CDK12: variants seen among roughly 807,000 people sequenced by gnomAD.
The protein encoded by CDK12 is cyclin dependent kinase 12.
CDK12 carries 17 observed loss-of-function variants against 133.8 expected under a neutral mutation model. The observed-to-expected ratio is 0.13, with a 90% CI of 0.09 to 0.19. The LOEUF is 0.19. CDK12 is among the 10% of genes least tolerant of loss of function. The probability of loss-of-function intolerance (pLI) is 1.00; values close to 1 mark genes in which losing one functional copy is unlikely to be tolerated. For missense variants in CDK12, 1,508 were observed against 1,818.7 expected, an observed-to-expected ratio of 0.83 and a Z score of 3.11; for synonymous variants, 694 against 683.6, an observed-to-expected ratio of 1.02 and a Z score of -0.24.
intron 1 of CDK12, among the ~76,000 whole-genome samples, chr17:39,542,601 C>T (rs980816656): frequency 1.2e-4 from 18 of 151,922 alleles, no homozygotes; most frequent in African/African-American, 4.4e-4. Flanking sequence ...CCTCTGGCCT[C>T]CCGGGTTTGA....
intron 2 of CDK12, among the ~76,000 whole-genome samples, chr17:39,477,772 G>A (rs1275038336): frequency 4.7e-5 from 7 of 150,062 alleles, no homozygotes; most frequent in South Asian, 2.1e-4. Context: ...ATGGGGTTTC[G>A]CCGTGTTAGC....
At chr17:39,470,832 A>G (rs749257918) in intron 1 of CDK12, 47 bp from the exon 2 acceptor site, 118 of 1,447,726 alleles carry the variant, frequency 8.2e-5, no homozygotes, top group Non-Finnish European at 1.1e-4. Flanking sequence ...TTTCCTCCAT[A>G]TACTACTGTA....
intron 9 of CDK12, 142 bp from the exon 10 acceptor site, chr17:39,517,298 A>G: frequency 1.6e-6 from 1 of 634,710 alleles, no homozygotes. Context: ...GTAATGTCAT[A>G]TTTTCCTTTC....
chr17:39,548,104 G>A (rs911450695), upstream of CDK12, among the ~76,000 whole-genome samples: 8 of 152,150 alleles, frequency 5.3e-5, no homozygotes, highest in Non-Finnish European at 1.2e-4. Context: ...ACACGAGGGC[G>A]CTGCTGGCCA....
At chr17:39,545,619 C>T (rs1304453986), upstream of CDK12, among the ~76,000 whole-genome samples, 1 of 151,470 alleles carries the variant, frequency 6.6e-6, no homozygotes, top group Non-Finnish European at 1.5e-5. Context: ...CTGTCTCAGC[C>T]TCCTGAGCAG....
rs544743528 is a variant in CDK12 at position 39,495,481 on chromosome 17, T to C, written c.2419+787T>C. 4.2e-5 allele frequency among the ~76,000 whole-genome samples: 6 copies of C among 143,700 alleles called. No homozygotes were observed. In the South Asian group the frequency reaches 1.3e-3, roughly 31 times the overall value. The allele number at this position is 143,700 out of a possible 152,430, so 94.3% of individuals were successfully genotyped here. On this transcript the variant is annotated intron_variant, in intron 5 of 13. Transcript: ENST00000447079. ...GCCTTTGGTGGAAAAACTGAAAATA[T>C]AGAAGAAGAAGAAAAAGAAGATGGT...
At chr17:39,497,066 G>A (rs1198611766) in intron 5 of CDK12, among the ~76,000 whole-genome samples, 1 of 151,876 alleles carries the variant, frequency 6.6e-6, no homozygotes, top group Non-Finnish European at 1.5e-5. Flanking sequence ...GAGTAGCTGG[G>A]CTTAAACAGG....
Position 39,498,868 on chromosome 17 carries a change from A to T in CDK12, c.2420-2382A>T. ...TTTTCTCTCAATTTTTAATACTATGATTTTCTCTTTCTTTCTTTCTTTCTT... is the reference window on the plus strand; with the variant it reads ...TTTTCTCTCAATTTTTAATACTATGTTTTTCTCTTTCTTTCTTTCTTTCTT... On this transcript the variant is annotated intron_variant, in intron 5 of 13. Transcript: ENST00000447079. 1.4e-4 allele frequency among the ~76,000 whole-genome samples: 4 copies of T among 28,168 alleles called. 2 individuals carry two copies. The highest frequency in any genetic ancestry group is 3.9e-4 in the Non-Finnish European group (4 of 10,332). 18.5% of individuals were successfully genotyped at this position (28,168 alleles called of 152,430 possible). A position where few individuals can be genotyped will look rare whatever the true frequency, so the allele number is the denominator to read the frequency against.
At chr17:39,490,060 G>A (rs1270057070) in intron 2 of CDK12, among the ~76,000 whole-genome samples, 2 of 151,032 alleles carry the variant, frequency 1.3e-5, no homozygotes, top group Non-Finnish European at 3.0e-5. Context: ...ATATACTATA[G>A]ATTTCTATTT....
intron 1 of CDK12, among the ~76,000 whole-genome samples, chr17:39,470,445 C>T (rs1317157701): frequency 6.6e-6 from 1 of 152,058 alleles, no homozygotes; most frequent in Admixed American, 6.6e-5. Flanking sequence ...TTTAAATGAA[C>T]TTTATTTCTT....
At chr17:39,496,976 G>A in intron 5 of CDK12, among the ~76,000 whole-genome samples, 1 of 134,968 alleles carries the variant, frequency 7.4e-6, no homozygotes, top group Non-Finnish European at 1.5e-5. Flanking sequence ...TGTCGCCCAG[G>A]CTCGAGTGCA....
upstream of CDK12, among the ~76,000 whole-genome samples, chr17:39,543,097 A>G (rs545057908): frequency 9.6e-4 from 147 of 152,360 alleles, 3 homozygotes; most frequent in African/African-American, 3.4e-3. Context: ...CTAGAAAACT[A>G]TGGTGGCGGA....
chr17:39,518,759 A>G (rs1297772277), intron 10 of CDK12, among the ~76,000 whole-genome samples: 1 of 151,980 alleles, frequency 6.6e-6, no homozygotes, highest in Non-Finnish European at 1.5e-5. Context: ...GCATTTCACC[A>G]TGTTGGCCAG....
intron 2 of CDK12, among the ~76,000 whole-genome samples, chr17:39,479,720 G>T (rs949761193): frequency 6.6e-6 from 1 of 150,912 alleles, no homozygotes; most frequent in Non-Finnish European, 1.5e-5. Flanking sequence ...TCCGCCTCTC[G>T]GGTTCAAGCA....
chr17:39,531,420 C>T lies in CDK12; in HGVS notation c.*104C>T. The T allele has an allele frequency of 8.7e-7, 1 of 1,146,256 alleles. No individual in the cohort carries two copies. Among genetic ancestry groups the T allele is most frequent in the African/African-American group, 1.6e-5 (1 of 62,800 alleles). 71.0% of individuals were successfully genotyped at this position (1,146,256 alleles called of 1,614,324 possible). On this transcript the variant is annotated 3_prime_UTR_variant, in exon 14 of 14. Transcript: ENST00000447079. The stretch of plus-strand genomic sequence containing the variant: ...TTTGCCAGAGCGAGGTAATCATCTG[C>T]ATTTGGCTACTGCAAAGCTGTCCGT...
At chr17:39,484,125 G>A (rs772229455) in intron 2 of CDK12, among the ~76,000 whole-genome samples, 7 of 152,238 alleles carry the variant, frequency 4.6e-5, no homozygotes, top group East Asian at 1.9e-4. Flanking sequence ...ACTACAGGCC[G>A]TAGTCACCAT....
intron 2 of CDK12, among the ~76,000 whole-genome samples, chr17:39,472,649 T>C (rs1007355698): frequency 6.6e-6 from 1 of 152,078 alleles, no homozygotes; most frequent in African/African-American, 2.4e-5. Context: ...GTATTTGCTC[T>C]GTGGATATCA....
intron 13 of CDK12, 98 bp from the exon 14 acceptor site, chr17:39,530,506 T>C (rs1338819815): frequency 6.8e-7 from 1 of 1,465,650 alleles, no homozygotes; most frequent in East Asian, 2.3e-5. Context: ...TCTGGTTACT[T>C]ATATTGATAT....
intron 2 of CDK12, among the ~76,000 whole-genome samples, chr17:39,473,600 G>T (rs2049961978): frequency 6.6e-6 from 1 of 151,898 alleles, no homozygotes; most frequent in African/African-American, 2.4e-5. Flanking sequence ...ACAAAAATTA[G>T]CCGGGTGTGG....
Sources: gnomAD v4.1 joint callset for allele counts (sites outside exome capture counted in the v4.1 genomes callset) on GRCh38, gnomAD v4.1.1 for gene constraint, MANE v1.5 for transcripts, NCBI Gene and HGNC (gene_info 2026-07-23, HGNC 2026-07-21) for gene names.